Variants in LRMDA observed in about 807,000 individuals in gnomAD.
The protein encoded by LRMDA is leucine-rich melanocyte differentiation-associated protein.
Under a neutral mutation model 29.8 loss-of-function variants are expected in LRMDA, and 18 were observed. The observed-to-expected ratio is 0.60, with a 90% CI of 0.42 to 0.90. The LOEUF (loss-of-function observed/expected upper bound fraction) is 0.90, where lower values mean the gene tolerates loss of function less well. Among genes scored for constraint, LRMDA ranks in the 40% least tolerant of loss-of-function variants. The probability of loss-of-function intolerance (pLI) is 0.00; values close to 1 mark genes in which losing one functional copy is unlikely to be tolerated. For synonymous variants in LRMDA, 125 were observed against 109.4 expected (o/e 1.14, Z -0.89); for missense variants, 273 against 273.9 (o/e 1.00, Z 0.02).
intron 6 of LRMDA, among the ~76,000 whole-genome samples, chr10:76,358,910 G>A (rs1029681720): frequency 2.6e-5 from 4 of 152,152 alleles, no homozygotes; most frequent in Non-Finnish European, 4.4e-5. Flanking sequence ...CTGTTGCTTG[G>A]TTTTGAGCCC....
chr10:76,106,670 A>G (rs886445200), intron 5 of LRMDA, among the ~76,000 whole-genome samples: 3 of 152,134 alleles, frequency 2.0e-5, no homozygotes, highest in Non-Finnish European at 2.9e-5. Flanking sequence ...GGTACTAACT[A>G]TCTGCTCCTT....
At chr10:75,601,914 T>C (rs886596827) in intron 2 of LRMDA, among the ~76,000 whole-genome samples, 1 of 152,230 alleles carries the variant, frequency 6.6e-6, no homozygotes, top group Non-Finnish European at 1.5e-5. Context: ...TTTTGACTTA[T>C]GTAGTGAAAG....
chr10:75,607,507 G>A (rs371396103), intron 2 of LRMDA, among the ~76,000 whole-genome samples: 2 of 152,130 alleles, frequency 1.3e-5, no homozygotes, highest in East Asian at 3.8e-4. Context: ...TGATAATTTT[G>A]TAGTGCTCTA....
At chr10:75,718,594 T>C (rs922882346) in intron 2 of LRMDA, among the ~76,000 whole-genome samples, 4 of 152,218 alleles carry the variant, frequency 2.6e-5, no homozygotes, top group Non-Finnish European at 5.9e-5. Context: ...GTTTATTTAG[T>C]CAACATGTAA....
intron 2 of LRMDA, among the ~76,000 whole-genome samples, chr10:76,010,011 T>C (rs1211615242): frequency 6.6e-6 from 1 of 152,166 alleles, no homozygotes; most frequent in African/African-American, 2.4e-5. Context: ...TTCTCTCTGT[T>C]ATAATTATGT....
chr10:76,083,552 G>A (rs543418846), intron 5 of LRMDA, among the ~76,000 whole-genome samples: 13 of 152,300 alleles, frequency 8.5e-5, no homozygotes, highest in African/African-American at 3.1e-4. Flanking sequence ...TTCATGGCTT[G>A]GCACAGTGGC....
chr10:76,420,597 T>C (rs1842062467), intron 6 of LRMDA, among the ~76,000 whole-genome samples: 1 of 152,066 alleles, frequency 6.6e-6, no homozygotes, highest in African/African-American at 2.4e-5. Flanking sequence ...TGTTCCTTAA[T>C]TTCTTAGGAT....
chr10:75,828,605 A>C (rs1844285620), intron 2 of LRMDA, among the ~76,000 whole-genome samples: 1 of 152,246 alleles, frequency 6.6e-6, no homozygotes, highest in African/African-American at 2.4e-5. Context: ...TATTTGGAAG[A>C]CTAAAGATTA....
chr10:75,622,008 G>T (rs1564524808), intron 2 of LRMDA, among the ~76,000 whole-genome samples: 1 of 152,168 alleles, frequency 6.6e-6, no homozygotes, highest in African/African-American at 2.4e-5. Context: ...TAATCCGGGG[G>T]CCTCAGTATC....
chr10:75,794,118 A>G (rs965473434), intron 2 of LRMDA, among the ~76,000 whole-genome samples: 6 of 152,254 alleles, frequency 3.9e-5, no homozygotes, highest in Non-Finnish European at 8.8e-5. Context: ...TTACCACCAC[A>G]TAATCAAGCT....
intron 2 of LRMDA, among the ~76,000 whole-genome samples, chr10:75,781,226 T>C (rs964337783): frequency 1.3e-5 from 2 of 152,230 alleles, no homozygotes; most frequent in African/African-American, 4.8e-5. Flanking sequence ...TCTGTTTGCC[T>C]CACTTGACTG....
At chr10:75,858,711 T>C (rs1329308518) in intron 2 of LRMDA, among the ~76,000 whole-genome samples, 6 of 152,238 alleles carry the variant, frequency 3.9e-5, no homozygotes, top group Non-Finnish European at 7.3e-5. Flanking sequence ...CTATGAACTC[T>C]TAATTGGAGA....
intron 2 of LRMDA, among the ~76,000 whole-genome samples, chr10:75,615,817 A>G (rs1029362241): frequency 3.3e-5 from 5 of 152,106 alleles, no homozygotes; most frequent in Non-Finnish European, 7.4e-5. Flanking sequence ...GTCAGATGAG[A>G]TGGTTGGCTT....
chr10:76,465,022 A>G (rs1488705641), intron 6 of LRMDA: 1 of 152,208 alleles, frequency 6.6e-6, no homozygotes, highest in South Asian at 2.1e-4. Flanking sequence ...GGCTGTGCTT[A>G]TAGACATAAC....
At chr10:76,241,962 T>C (rs1482718403) in intron 5 of LRMDA, 1 of 152,252 alleles carries the variant, frequency 6.6e-6, no homozygotes, top group Non-Finnish European at 1.5e-5. Context: ...TAGTTTTGGC[T>C]GTATAACAGT....
intron 2 of LRMDA, among the ~76,000 whole-genome samples, chr10:76,003,997 A>T (rs1363780873): frequency 1.3e-5 from 2 of 152,168 alleles, no homozygotes; most frequent in East Asian, 3.9e-4. Flanking sequence ...TTGTTGGATG[A>T]ATGACATGAG....
chr10:75,775,770 G>A (rs1014512561), intron 2 of LRMDA, among the ~76,000 whole-genome samples: 1 of 152,208 alleles, frequency 6.6e-6, no homozygotes, highest in Non-Finnish European at 1.5e-5. Flanking sequence ...GTCCAAGGTA[G>A]CAATGTTCCT....
chr10:76,487,567 G>C (rs773285142), intron 6 of LRMDA, among the ~76,000 whole-genome samples: 2 of 151,876 alleles, frequency 1.3e-5, no homozygotes, highest in Non-Finnish European at 2.9e-5. Context: ...ATTTGAGTAT[G>C]GGGATTTGAG....
chr10:75,574,485 A>G (rs145871234), intron 2 of LRMDA, among the ~76,000 whole-genome samples: 219 of 152,190 alleles, frequency 1.4e-3, no homozygotes, highest in African/African-American at 5.0e-3. Flanking sequence ...ACCTTTCTGA[A>G]CCCATGGCCA....
Sources: gnomAD v4.1 joint callset for allele counts (sites outside exome capture counted in the v4.1 genomes callset) on GRCh38, gnomAD v4.1.1 for gene constraint, MANE v1.5 for transcripts, NCBI Gene and HGNC (gene_info 2026-07-23, HGNC 2026-07-21) for gene names.